The following SPATA17 variants were observed in gnomAD, a reference collection of about 807,000 sequenced individuals.
The protein encoded by SPATA17 is spermatogenesis associated 17.
SPATA17 carries 53 observed loss-of-function variants against 62.2 expected under a neutral mutation model. That is an observed-to-expected ratio of 0.85 (90% CI 0.68 to 1.07). The LOEUF is 1.07. Ranked by LOEUF, SPATA17 falls within the 50% of genes least tolerant of loss-of-function variation. The probability of loss-of-function intolerance (pLI) is 0.00; values close to 1 mark genes in which losing one functional copy is unlikely to be tolerated. For missense variants in SPATA17, 466 were observed against 425.5 expected (o/e 1.10, Z -0.84); for synonymous variants, 146 against 146.8 (o/e 0.99, Z 0.04).
intron 9 of SPATA17, among the ~76,000 whole-genome samples, chr1:217,804,695 A>G (rs1319700815): frequency 6.6e-6 from 1 of 152,224 alleles, no homozygotes. Context: ...CAATAGCAAG[A>G]AAACAAATAA....
At chr1:217,855,873 CG>C (rs1396247463) in intron 9 of SPATA17, among the ~76,000 whole-genome samples, 2 of 151,408 alleles carry the variant, frequency 1.3e-5, no homozygotes, top group Admixed American at 1.3e-4. Context: ...ACTACAGGTG[CG>C]TGCCACCAAG....
intron 8 of SPATA17, among the ~76,000 whole-genome samples, chr1:217,792,956 T>C (rs569105591): frequency 7.2e-5 from 11 of 152,270 alleles, no homozygotes; most frequent in African/African-American, 2.4e-4. Context: ...TTTGATAGCA[T>C]GGAGGATTTG....
intron 6 of SPATA17, among the ~76,000 whole-genome samples, chr1:217,769,478 A>T (rs998699160): frequency 9.2e-5 from 14 of 152,214 alleles, no homozygotes; most frequent in African/African-American, 3.1e-4. Context: ...AAGCATATAA[A>T]CAACCTCATG....
In SPATA17 at chr1:217,852,773, T is replaced by C. The variant is rs551923427; in HGVS notation, c.1006-10001T>C. On this transcript the variant is annotated intron_variant, in intron 9 of 10. Transcript: ENST00000366933. ...GTGATCCTAGTGTTACAGTGACAAATTGGTGGGTGTAACTATGAGCTGAGG... is the reference window on the plus strand; with the variant it reads ...GTGATCCTAGTGTTACAGTGACAAACTGGTGGGTGTAACTATGAGCTGAGG... Among the ~76,000 whole-genome samples, 15 of 152,302 alleles carry C rather than the reference T, an allele frequency of 9.8e-5. No individual in the cohort carries two copies. The South Asian group carries it at 3.1e-3, about 32-fold the overall frequency.
chr1:217,634,753 G>A (rs1669899850), intron 1 of SPATA17, among the ~76,000 whole-genome samples: 1 of 152,232 alleles, frequency 6.6e-6, no homozygotes, highest in Admixed American at 6.5e-5. Context: ...TCCTGGCAAA[G>A]TTAGTTCAGC....
At chr1:217,845,550 T>C (rs1675504035) in intron 9 of SPATA17, among the ~76,000 whole-genome samples, 1 of 152,086 alleles carries the variant, frequency 6.6e-6, no homozygotes, top group African/African-American at 2.4e-5. Flanking sequence ...TTGCTTGACC[T>C]GTATAAAACC....
chr1:217,837,559 A>T (rs1675290376), intron 9 of SPATA17, among the ~76,000 whole-genome samples: 1 of 152,074 alleles, frequency 6.6e-6, no homozygotes, highest in Admixed American at 6.6e-5. Context: ...CTCTGATGAA[A>T]GTTAAGGAAA....
In SPATA17 at chr1:217,826,796, A is replaced by G. The variant is rs544119374; in HGVS notation, c.1005+24946A>G. 7.2e-5 allele frequency among the ~76,000 whole-genome samples: 11 copies of G among 152,206 alleles called. No homozygotes were observed. In the South Asian group the frequency reaches 1.7e-3, roughly 23 times the overall value. On this transcript the variant is annotated intron_variant, in intron 9 of 10. Coordinates refer to ENST00000366933, the MANE Select transcript of SPATA17 (RefSeq NM_138796.4). ...AAATTGCATTCCGAAGTGAGATTTT[A>G]TGGTTCAAATTCCAGATAGGTACAT...
chr1:217,679,719 A>C (rs1671034400), intron 4 of SPATA17, among the ~76,000 whole-genome samples: 1 of 152,200 alleles, frequency 6.6e-6, no homozygotes, highest in African/African-American at 2.4e-5. Flanking sequence ...ATGTTTTCTG[A>C]AAGCATACCA....
intron 5 of SPATA17, among the ~76,000 whole-genome samples, chr1:217,706,906 A>T (rs1246121091): frequency 1.5e-4 from 23 of 148,866 alleles, no homozygotes; most frequent in African/African-American, 5.2e-4. Context: ...TTGCTCTTTC[A>T]CCCAGGCTGG....
chr1:217,737,459 G>A (rs1164506316), intron 5 of SPATA17, among the ~76,000 whole-genome samples: 1 of 152,188 alleles, frequency 6.6e-6, no homozygotes. Context: ...ACATCTTTAA[G>A]GGAAGGGAGG....
chr1:217,741,766 T>A (rs1672630047), intron 5 of SPATA17, among the ~76,000 whole-genome samples: 1 of 152,194 alleles, frequency 6.6e-6, no homozygotes, highest in Non-Finnish European at 1.5e-5. Context: ...ACTCATTTGA[T>A]CTCAAAAACT....
At chr1:217,855,235 C>T (rs1675752982) in intron 9 of SPATA17, among the ~76,000 whole-genome samples, 3 of 152,154 alleles carry the variant, frequency 2.0e-5, no homozygotes, top group Non-Finnish European at 4.4e-5. Context: ...GCCAAATGTT[C>T]CCTTTAGTGC....
intron 8 of SPATA17, among the ~76,000 whole-genome samples, chr1:217,790,793 A>C (rs565354017): frequency 6.6e-6 from 1 of 152,356 alleles, no homozygotes; most frequent in African/African-American, 2.4e-5. Flanking sequence ...GACATTACTA[A>C]AAGAAAAATG....
At chr1:217,713,631 T>C (rs1671930026) in intron 5 of SPATA17, among the ~76,000 whole-genome samples, 1 of 152,186 alleles carries the variant, frequency 6.6e-6, no homozygotes, top group Non-Finnish European at 1.5e-5. Context: ...AGGCTTTTTC[T>C]CTCAGTTTTT....
chr1:217,721,274 C>A (rs1469059636), intron 5 of SPATA17, among the ~76,000 whole-genome samples: 1 of 152,082 alleles, frequency 6.6e-6, no homozygotes, highest in Non-Finnish European at 1.5e-5. Flanking sequence ...TCTCCATGAT[C>A]CTCTCTAAGA....
At chr1:217,656,578 GTATT>G (rs563507293) in intron 3 of SPATA17, among the ~76,000 whole-genome samples, 1 of 150,992 alleles carries the variant, frequency 6.6e-6, no homozygotes, top group South Asian at 2.1e-4. Context: ...ATGTATGTAT[GTATT>G]TATTTATTTT....
At chr1:217,835,988 A>G (rs925761174) in intron 9 of SPATA17, among the ~76,000 whole-genome samples, 2 of 151,944 alleles carry the variant, frequency 1.3e-5, no homozygotes, top group Admixed American at 1.3e-4. Context: ...CTACACCCCT[A>G]TGATTGTACT....
At chr1:217,850,001 A>G (rs1040562800) in intron 9 of SPATA17, among the ~76,000 whole-genome samples, 1 of 151,988 alleles carries the variant, frequency 6.6e-6, no homozygotes, top group African/African-American at 2.4e-5. Context: ...TATAAGTTAT[A>G]ATTTGGGGTC....
Sources: gnomAD v4.1 joint callset for allele counts (sites outside exome capture counted in the v4.1 genomes callset) on GRCh38, gnomAD v4.1.1 for gene constraint, MANE v1.5 for transcripts, NCBI Gene and HGNC (gene_info 2026-07-23, HGNC 2026-07-21) for gene names.